Variants in DOCK2 observed in about 807,000 individuals in gnomAD.
The protein encoded by DOCK2 is dedicator of cytokinesis protein 2.
In DOCK2, 87 loss-of-function variants were observed where a neutral mutation model predicts 248.9. The ratio of observed to expected loss-of-function variants is 0.35; its 90% CI spans 0.29 to 0.42. The LOEUF (loss-of-function observed/expected upper bound fraction) is 0.42. Ranked by LOEUF, DOCK2 falls within the 10% of genes least tolerant of loss-of-function variation. DOCK2 has a pLI of 1.00. For synonymous variants in DOCK2, 805 were observed against 821.6 expected, an observed-to-expected ratio of 0.98 and a Z score of 0.35; for missense variants, 1,747 against 2,300.2, an observed-to-expected ratio of 0.76 and a Z score of 4.92.
chr5:169,792,082 G>A (rs944165300), intron 25 of DOCK2, among the ~76,000 whole-genome samples: 1 of 152,188 alleles, frequency 6.6e-6, no homozygotes, highest in Non-Finnish European at 1.5e-5. Flanking sequence ...ACTGGCATGA[G>A]GGAATAAGGG....
chr5:170,013,480 A>G (rs1464884754), intron 32 of DOCK2, among the ~76,000 whole-genome samples: 1 of 152,056 alleles, frequency 6.6e-6, no homozygotes, highest in Admixed American at 6.5e-5. Context: ...TGAAAAACGG[A>G]AGCTGGAGAA....
At chr5:169,725,552 C>T (rs1260116193) in intron 22 of DOCK2, among the ~76,000 whole-genome samples, 4 of 151,952 alleles carry the variant, frequency 2.6e-5, no homozygotes, top group African/African-American at 9.7e-5. Context: ...TACATGTGCA[C>T]AAAGTGCACA....
intron 1 of DOCK2, among the ~76,000 whole-genome samples, chr5:169,647,484 C>T (rs1440400988): frequency 1.3e-5 from 2 of 152,140 alleles, no homozygotes; most frequent in Non-Finnish European, 2.9e-5. Context: ...CCCACCTCAT[C>T]CATTTCCCTG....
intron 45 of DOCK2, 69 bp downstream of exon 45, chr5:170,067,755 GCAGATGC>G (rs1334811820): frequency 6.8e-5 from 105 of 1,534,030 alleles, no homozygotes; most frequent in Non-Finnish European, 8.8e-5. Context: ...GACCCAGGGG[GCAGATGC>G]AGGTACATGT....
At chr5:169,946,114 A>C (rs1269810757) in intron 27 of DOCK2, among the ~76,000 whole-genome samples, 1 of 152,210 alleles carries the variant, frequency 6.6e-6, no homozygotes, top group African/African-American at 2.4e-5. Flanking sequence ...AGGCCATCTC[A>C]GCACAGCAAA....
At chr5:169,854,375 G>A (rs566960575) in intron 27 of DOCK2, among the ~76,000 whole-genome samples, 1 of 151,888 alleles carries the variant, frequency 6.6e-6, no homozygotes, top group Admixed American at 6.6e-5. Flanking sequence ...AGTAGAGACG[G>A]GGTTTCACCA....
chr5:170,028,221 T>G (rs9790867), intron 34 of DOCK2, among the ~76,000 whole-genome samples: 67,995 of 152,140 alleles, frequency 0.45, 16,690 homozygotes, highest in African/African-American at 0.65. Flanking sequence ...CTTTCATTAC[T>G]TCTTAACTGT....
At chr5:169,753,362 C>T (rs1014950564) in intron 23 of DOCK2, among the ~76,000 whole-genome samples, 2 of 151,672 alleles carry the variant, frequency 1.3e-5, no homozygotes, top group African/African-American at 4.8e-5. Flanking sequence ...CCTCACCCCC[C>T]CCCACCCCCT....
At chr5:169,811,565 G>A (rs1767760215) in intron 26 of DOCK2, among the ~76,000 whole-genome samples, 1 of 152,148 alleles carries the variant, frequency 6.6e-6, no homozygotes, top group African/African-American at 2.4e-5. Context: ...TTCACCCCTT[G>A]CTTTTCCTCT....
chr5:170,041,481 A>G lies in DOCK2; in HGVS notation c.3756+336A>G, dbSNP rs543430409. On this transcript the variant is annotated intron_variant, in intron 37 of 51. Transcript: ENST00000520908. ...CTTAGCTGTAGCTGGGAAAAAAATC[A>G]GAATGATTTCCTTTGGCTTTGGGAG... is the stretch of plus-strand genomic sequence containing the variant. Among the ~76,000 whole-genome samples, 6 of 152,280 alleles carry G rather than the reference A, an allele frequency of 3.9e-5. No homozygotes were observed. The East Asian group carries it at 1.2e-3, about 29-fold the overall frequency.
At chr5:170,027,525 G>A (rs766918399) in intron 33 of DOCK2, among the ~76,000 whole-genome samples, 1 of 152,098 alleles carries the variant, frequency 6.6e-6, no homozygotes, top group Admixed American at 6.5e-5. Flanking sequence ...CTGTTTCTGC[G>A]AAATTTCTAT....
chr5:170,043,788 T>C (rs533689436), intron 38 of DOCK2, among the ~76,000 whole-genome samples: 116 of 152,342 alleles, frequency 7.6e-4, no homozygotes, highest in Non-Finnish European at 1.5e-3. Context: ...TGTGAGAGCC[T>C]AAAAGTACAC....
chr5:169,746,719 A>G (rs1404650291), intron 22 of DOCK2, among the ~76,000 whole-genome samples: 1 of 152,168 alleles, frequency 6.6e-6, no homozygotes. Flanking sequence ...GCAATTTTAC[A>G]CTTGTATATT....
chr5:169,990,888 TATC>T (rs142706905), intron 29 of DOCK2, among the ~76,000 whole-genome samples: 2,141 of 152,340 alleles, frequency 0.014, 25 homozygotes, highest in Middle Eastern at 0.058. Context: ...ATGGGAGTAT[TATC>T]AGCCTCATAT....
chr5:169,657,107 C>A (rs192746032), intron 2 of DOCK2, among the ~76,000 whole-genome samples: 1 of 152,146 alleles, frequency 6.6e-6, no homozygotes, highest in African/African-American at 2.4e-5. Context: ...AATATCATAT[C>A]TCCTGGTACG....
Position 170,072,433 on chromosome 5 carries a change from G to A in DOCK2, c.4728+3213G>A, listed in dbSNP as rs144071753. ...CAATAATATATCAATTTATTTATCC[G>A]TTCTGTTGGACATTTGGATGTTTTC... is the stretch of plus-strand genomic sequence containing the variant. On this transcript the variant is annotated intron_variant, in intron 46 of 51. Coordinates refer to ENST00000520908, the MANE Select transcript of DOCK2 (RefSeq NM_004946.3). Among the ~76,000 whole-genome samples the A allele has an allele frequency of 1.2e-3, 187 of 152,120 alleles. 1 individual carries two copies. The highest frequency in any genetic ancestry group is 3.9e-3 in the African/African-American group (162 of 41,496).
Position 169,698,376 on chromosome 5 carries a change from A to G in DOCK2, c.982A>G (p.Met328Val), listed in dbSNP as rs1348322918. ...GLRRPFGVAV[M>V]DITDIIKGKA... is the part of the protein sequence containing the mutation. The stretch of plus-strand genomic sequence containing the variant: ...AATTCATTCTGTCTTCTTTCTAGTT[A>G]TGGATATAACAGACATCATCAAGGG... The change falls in exon 11 of 52, where the codon ATG (methionine) becomes GTG (valine). Residue 328 changes from methionine to valine, a missense_variant and splice_region_variant. This residue lies in a region of DOCK2 where 375 missense variants were observed against 510.9 expected (regional missense o/e 0.73). Transcript: ENST00000520908. 1.2e-6 allele frequency: 2 copies of G among 1,613,740 alleles called. No homozygotes were observed. Among genetic ancestry groups the G allele is most frequent in the African/African-American group, 1.3e-5 (1 of 74,908 alleles).
chr5:169,728,119 A>C (rs1005549247), intron 22 of DOCK2, among the ~76,000 whole-genome samples: 2 of 152,222 alleles, frequency 1.3e-5, no homozygotes, highest in African/African-American at 4.8e-5. Flanking sequence ...GAGAGGGCCA[A>C]GCCAGATGAT....
At chr5:169,667,304 C>T (rs745618501) in intron 2 of DOCK2, among the ~76,000 whole-genome samples, 4 of 152,164 alleles carry the variant, frequency 2.6e-5, no homozygotes, top group Non-Finnish European at 4.4e-5. Flanking sequence ...TAAGGATTGG[C>T]TTTGAAGTCA....
Sources: allele counts gnomAD v4.1 joint callset (sites outside exome capture counted in the v4.1 genomes callset), GRCh38; gene constraint gnomAD v4.1.1; regional missense constraint gnomAD v4.1.1; transcripts MANE v1.5; gene names NCBI Gene and HGNC (gene_info 2026-07-23, HGNC 2026-07-21).